GBX2: variants seen among roughly 807,000 people sequenced by gnomAD.
The protein encoded by GBX2 is gastrulation brain homeobox 2, also known as homeobox protein GBX-2.
Under a neutral mutation model 22.4 loss-of-function variants are expected in GBX2, and 5 were observed. The ratio of observed to expected loss-of-function variants is 0.22; its 90% CI spans 0.12 to 0.47. The LOEUF (loss-of-function observed/expected upper bound fraction) is 0.47, where lower values mean the gene tolerates loss of function less well. Ranked by LOEUF, GBX2 falls within the 20% of genes least tolerant of loss-of-function variation. The probability of loss-of-function intolerance (pLI) is 0.99; values close to 1 mark genes in which losing one functional copy is unlikely to be tolerated. For synonymous variants in GBX2, 220 were observed against 230.5 expected (o/e 0.95, Z 0.41); for missense variants, 470 against 495.4 (o/e 0.95, Z 0.49).
chr2:236,164,262 C>T (rs1252918667), downstream of GBX2, among the ~76,000 whole-genome samples: 1 of 152,182 alleles, frequency 6.6e-6, no homozygotes. Context: ...CGCAGCGGCT[C>T]ACCGGCCTCC....
In GBX2 at chr2:236,167,815, C is replaced by G; in HGVS notation, c.157G>C (p.Val53Leu). 1 of 1,438,722 alleles carries G rather than the reference C, an allele frequency of 7.0e-7. No homozygotes were observed. Among genetic ancestry groups the G allele is most frequent in the Non-Finnish European group, 9.2e-7 (1 of 1,091,398 alleles). 89.1% of individuals were successfully genotyped at this position (1,438,722 alleles called of 1,614,324 possible). ...GGCGGCGGCGGCGGCGGCAGCACTA[C>G]CGGCCGGTAGGGCATGAACATGGGG... ...GYPMFMPYRPVVLPPPPPPPP... is the reference protein window; with the variant it reads ...GYPMFMPYRPLVLPPPPPPPP... The change falls in exon 1 of 2, where the codon GTA (valine) becomes CTA (leucine). Residue 53 changes from valine (V) to leucine (L), a missense_variant. Val to Leu is a conservative substitution (Grantham distance 32). Transcript: ENST00000306318.
chr2:236,167,045 C>A (rs2060242970), intron 1 of GBX2: 5 of 1,102,256 alleles, frequency 4.5e-6, no homozygotes, highest in Non-Finnish European at 6.6e-6. Context: ...GTAGCAAGAC[C>A]AGCGAAGGGG....
downstream of GBX2, among the ~76,000 whole-genome samples, chr2:236,162,713 C>T (rs1009049103): frequency 6.6e-6 from 1 of 152,050 alleles, no homozygotes. Context: ...GGCTGGGGGG[C>T]GCAGGTCCAA....
Position 236,166,521 on chromosome 2 carries a change from CG to C in GBX2, c.524-85del, listed in dbSNP as rs2060240306. 1.5e-5 allele frequency: 18 copies of C among 1,161,808 alleles called. No individual in the cohort carries two copies. In the East Asian group the frequency reaches 4.3e-4, roughly 28 times the overall value. The allele number at this position is 1,161,808 out of a possible 1,614,324, so 72.0% of individuals were successfully genotyped here. A position where few individuals can be genotyped will look rare whatever the true frequency, so the allele number is the denominator to read the frequency against. ...TTCCCACCGTCATTTGGACATTCCG[CG>C]CCCCCCGCCCCCCACCCTTTAGCGG... is the stretch of plus-strand genomic sequence containing the variant. On this transcript the variant is annotated intron_variant, in intron 1 of 1. Transcript: ENST00000306318. The surrounding 1 kb of genome is among the most constrained non-coding windows in gnomAD (Gnocchi z 6.6).
At chr2:236,161,527 G>C (rs376033553), downstream of GBX2, among the ~76,000 whole-genome samples, 42 of 152,250 alleles carry the variant, frequency 2.8e-4, no homozygotes, top group African/African-American at 9.1e-4. Context: ...ACCTCCCTTC[G>C]TCTGGGCTGT....
Position 236,167,777 on chromosome 2 carries a change from C to T in GBX2, c.195G>A (p.Leu65=). 6 of 1,423,398 alleles carry T rather than the reference C, an allele frequency of 4.2e-6. No individual in the cohort carries two copies. Among genetic ancestry groups the T allele is most frequent in the African/African-American group, 1.5e-5 (1 of 67,642 alleles). 88.2% of individuals were successfully genotyped at this position (1,423,398 alleles called of 1,614,324 possible). A position where few individuals can be genotyped will look rare whatever the true frequency, so the allele number is the denominator to read the frequency against. The change falls in exon 1 of 2, where the codon CTG becomes CTA. Residue 65 remains leucine, a synonymous_variant. Transcript: ENST00000306318. The part of the protein sequence containing the change: ...LPPPPPPPPA[L]PQAALQPALP... ...GCGCTGGCTGCAGCGCGGCCTGGGG[C>T]AGCGCGGGCGGCGGCGGCGGCGGCG...
downstream of GBX2, among the ~76,000 whole-genome samples, chr2:236,162,970 G>A (rs77187601): frequency 0.023 from 3,443 of 152,294 alleles, 123 homozygotes; most frequent in African/African-American, 0.079. Flanking sequence ...GTGCAGGGAG[G>A]ACGGGATGGA....
At chr2:236,161,403 G>C (rs1375873464), downstream of GBX2, among the ~76,000 whole-genome samples, 1 of 152,260 alleles carries the variant, frequency 6.6e-6, no homozygotes, top group African/African-American at 2.4e-5. Context: ...GCTTATGTGC[G>C]TTGGGGTTTC....
At position 236,167,485 on chromosome 2, in the gene GBX2, C is replaced by A. The variant is rs2060247866; in HGVS notation, c.487G>T (p.Ala163Ser). 6.3e-7 allele frequency: 1 copy of A among 1,586,206 alleles called. No individual in the cohort carries two copies. Among genetic ancestry groups the A allele is most frequent in the Non-Finnish European group, 8.5e-7 (1 of 1,172,444 alleles). ...TGCACCGTCTCGGCCGCGGAGAAGGCGAGCAGCGAGCCCTCTTTGGCCAGG... is the reference window on the plus strand; with the variant it reads ...TGCACCGTCTCGGCCGCGGAGAAGGAGAGCAGCGAGCCCTCTTTGGCCAGG... The part of the protein sequence containing the change: ...GFLAKEGSLL[A>S]FSAAETVQAS... The change falls in exon 1 of 2, where the codon GCC becomes TCC. Residue 163 changes from alanine to serine, a missense_variant. Coordinates refer to ENST00000306318, the MANE Select transcript of GBX2 (RefSeq NM_001485.4).
At chr2:236,163,443 G>C (rs1172675512), downstream of GBX2, among the ~76,000 whole-genome samples, 2 of 152,216 alleles carry the variant, frequency 1.3e-5, no homozygotes, top group Non-Finnish European at 2.9e-5. Flanking sequence ...GTTCCTAGTG[G>C]GCTTCGCTTT....
Position 236,168,118 on chromosome 2 carries a change from C to T in GBX2, c.-147G>A. ...AGAGCAGACGCCTCCGCCCCTCAGT[C>T]CTGGGCCCGCTGCATGCCGGGCGGG... On this transcript the variant is annotated 5_prime_UTR_variant, in exon 1 of 2. Transcript: ENST00000306318. 1 of 806,352 alleles carries T rather than the reference C, an allele frequency of 1.2e-6. No individual in the cohort carries two copies. The highest frequency in any genetic ancestry group is 1.7e-6 in the Non-Finnish European group (1 of 595,832). 49.9% of individuals were successfully genotyped at this position (806,352 alleles called of 1,614,324 possible).
chr2:236,167,299 C>A (rs1275336137), intron 1 of GBX2, 150 bp downstream of exon 1: 8 of 1,386,438 alleles, frequency 5.8e-6, no homozygotes, highest in African/African-American at 1.4e-5. Flanking sequence ...GGAGGCCCAG[C>A]GGCACAGCCG....
Position 236,167,531 on chromosome 2 carries a change from G to A in GBX2, c.441C>T (p.Asp147=). ...NFDKAEALQA[D]AEDGKGFLAK... ...CCAGGAAGCCTTTGCCGTCCTCCGCGTCAGCCTGCAGCGCCTCCGCCTTGT... is the reference window on the plus strand; with the variant it reads ...CCAGGAAGCCTTTGCCGTCCTCCGCATCAGCCTGCAGCGCCTCCGCCTTGT... The change falls in exon 1 of 2, where the codon GAC becomes GAT. Residue 147 remains aspartate (D), a synonymous_variant. Transcript: ENST00000306318. The A allele has an allele frequency of 1.3e-6, 2 of 1,598,708 alleles. No individual in the cohort carries two copies. Among genetic ancestry groups the A allele is most frequent in the East Asian group, 2.3e-5 (1 of 43,924 alleles).
chr2:236,166,210 G>A lies in GBX2; in HGVS notation c.751C>T (p.Arg251Trp), dbSNP rs1410235422. Residue 251 changes from arginine to tryptophan, a missense_variant, in exon 2 of 2, where the codon CGG becomes TGG. Physicochemically the swap from Arg to Trp is moderately radical, Grantham distance 101 (BLOSUM62 -3). Around this residue, in one of 4 missense-constraint regions of GBX2, gnomAD observed 40 missense variants for 55.1 expected, o/e 0.73. Coordinates refer to ENST00000306318, the MANE Select transcript of GBX2 (RefSeq NM_001485.4). The surrounding 1 kb of genome is among the most constrained non-coding windows in gnomAD (Gnocchi z 6.6). ...TTSTGKNRRR[R>W]TAFTSEQLLE... ...AGCTGCTCGCTGGTGAAGGCAGTCCGCCGCCGCCGGTTCTTGCCCGTAGAC... is the reference window on the plus strand; with the variant it reads ...AGCTGCTCGCTGGTGAAGGCAGTCCACCGCCGCCGGTTCTTGCCCGTAGAC... The A allele has an allele frequency of 6.2e-7, 1 of 1,613,582 alleles. No homozygotes were observed.
chr2:236,166,480 T>A lies in GBX2; in HGVS notation c.524-43A>T, dbSNP rs1289562971. On this transcript the variant is annotated intron_variant, in intron 1 of 1. Coordinates refer to ENST00000306318, the MANE Select transcript of GBX2 (RefSeq NM_001485.4). The surrounding 1 kb of genome is among the most constrained non-coding windows in gnomAD (Gnocchi z 6.6). Reference sequence around the variant, plus strand: ...CGGCATTTTATTACATTTCGCACACTGGCCTTCCTTTCTCCTTCCCACCGT... The same window carrying A: ...CGGCATTTTATTACATTTCGCACACAGGCCTTCCTTTCTCCTTCCCACCGT... 6.4e-7 allele frequency: 1 copy of A among 1,562,246 alleles called. No homozygotes were observed. Among genetic ancestry groups the A allele is most frequent in the African/African-American group, 1.4e-5 (1 of 73,910 alleles).
At position 236,168,000 on chromosome 2, in the gene GBX2, G is replaced by T; in HGVS notation, c.-29C>A. On this transcript the variant is annotated 5_prime_UTR_variant, in exon 1 of 2. Transcript: ENST00000306318. ...CGCGCTCGGTAGAGGCCAGCGAGAG[G>T]CGAAAAGTCCCCGCGCCGCGCCGCC... 6.7e-7 allele frequency: 1 copy of T among 1,498,132 alleles called. No individual in the cohort carries two copies. The allele number at this position is 1,498,132 out of a possible 1,614,324, so 92.8% of individuals were successfully genotyped here.
At chr2:236,163,089 T>G (rs998465268), downstream of GBX2, among the ~76,000 whole-genome samples, 4 of 152,220 alleles carry the variant, frequency 2.6e-5, no homozygotes, top group African/African-American at 9.6e-5. Flanking sequence ...CCCGGGCGAT[T>G]GACAATTTTT....
downstream of GBX2, among the ~76,000 whole-genome samples, chr2:236,161,830 G>C (rs1257513879): frequency 3.3e-5 from 5 of 152,214 alleles, no homozygotes; most frequent in East Asian, 7.7e-4. Flanking sequence ...CCCCGAGAGG[G>C]TCTCTGCTGC....
Position 236,167,617 on chromosome 2 carries a change from G to C in GBX2, c.355C>G (p.Gln119Glu). Residue 119 changes from glutamine (Q) to glutamate (E), a missense_variant, in exon 1 of 2, where the codon CAG (glutamine) becomes GAG (glutamate). By Grantham distance (29) the Gln-to-Glu change is conservative. This residue lies in a region of GBX2 where 377 missense variants were observed against 358.6 expected (regional missense o/e 1.05). Coordinates refer to ENST00000306318, the MANE Select transcript of GBX2 (RefSeq NM_001485.4). ...AACTTGCGGGCCGCTGCCGCCTCCT[G>C]GTGCTGGGGCGACGCGGAGAAGCCG... is the stretch of plus-strand genomic sequence containing the variant. ...PGGFSASPQH[Q>E]EAAAARKFAP... 6.3e-7 allele frequency: 1 copy of C among 1,593,504 alleles called. No individual in the cohort carries two copies. The highest frequency in any genetic ancestry group is 8.5e-7 in the Non-Finnish European group (1 of 1,174,308).
Sources: gnomAD v4.1 joint callset for allele counts (sites outside exome capture counted in the v4.1 genomes callset) on GRCh38, gnomAD v4.1.1 for gene constraint, gnomAD v4.1.1 regional missense constraint, Gnocchi (gnomAD v3.1) non-coding constraint, MANE v1.5 for transcripts, NCBI Gene and HGNC (gene_info 2026-07-23, HGNC 2026-07-21) for gene names.